PDE1A: variants seen among roughly 807,000 people sequenced by gnomAD.
PDE1A encodes the protein phosphodiesterase 1A, also known as dual specificity calcium/calmodulin-dependent 3',5'-cyclic nucleotide phosphodiesterase 1A.
Under a neutral mutation model 61.7 loss-of-function variants are expected in PDE1A, and 35 were observed. That is an observed-to-expected ratio of 0.57 (90% CI 0.43 to 0.75). The LOEUF is 0.75. PDE1A is among the 30% of genes least tolerant of loss of function. The pLI, the probability that PDE1A is intolerant of heterozygous loss-of-function variation, is 0.00. For synonymous variants in PDE1A, 232 were observed against 213.2 expected (o/e 1.09, Z -0.77); for missense variants, 597 against 630.6 (o/e 0.95, Z 0.57).
At chr2:182,471,640 T>C (rs1687034833) in intron 2 of PDE1A, among the ~76,000 whole-genome samples, 1 of 151,834 alleles carries the variant, frequency 6.6e-6, no homozygotes, top group Non-Finnish European at 1.5e-5. Context: ...ACCATTTCCT[T>C]CTTTTTTAAG....
At chr2:182,641,019 C>A in the PDE1A span, among the ~76,000 whole-genome samples, 159 of 61,306 alleles carry the variant, frequency 2.6e-3, 1 homozygote, top group South Asian at 5.0e-3. Context: ...GACTCCATCT[C>A]AAAAAAAAAA....
At chr2:182,330,807 C>T (rs1697356331) in intron 1 of PDE1A, among the ~76,000 whole-genome samples, 1 of 152,150 alleles carries the variant, frequency 6.6e-6, no homozygotes, top group South Asian at 2.1e-4. Flanking sequence ...TAGCATCACT[C>T]TCTTGGTTCT....
At chr2:182,224,045 C>T (rs553797987) in intron 6 of PDE1A, 81 bp from the exon 7 acceptor site, 22 of 838,546 alleles carry the variant, frequency 2.6e-5, no homozygotes, top group Non-Finnish European at 4.1e-5. Flanking sequence ...TTTCAGTGCA[C>T]CCTGTTTATG....
chr2:182,221,579 A>G (rs1345793999), intron 7 of PDE1A, among the ~76,000 whole-genome samples: 1 of 152,044 alleles, frequency 6.6e-6, no homozygotes, highest in Non-Finnish European at 1.5e-5. Flanking sequence ...AACTGTATCA[A>G]TCTCTGGGAC....
At chr2:182,212,024 G>A in intron 7 of PDE1A, among the ~76,000 whole-genome samples, 1 of 152,032 alleles carries the variant, frequency 6.6e-6, no homozygotes, top group Middle Eastern at 3.4e-3. Context: ...CATTAGTATT[G>A]CATACTTCCA....
chr2:182,572,800 C>T, the PDE1A span, among the ~76,000 whole-genome samples: 1 of 142,208 alleles, frequency 7.0e-6, no homozygotes, highest in Non-Finnish European at 1.5e-5. Flanking sequence ...ACCCGGGAGG[C>T]GGAGCTTGCA....
At chr2:182,370,500 T>A (rs1700071785) in intron 1 of PDE1A, among the ~76,000 whole-genome samples, 1 of 152,168 alleles carries the variant, frequency 6.6e-6, no homozygotes, top group Non-Finnish European at 1.5e-5. Flanking sequence ...GGGAACAATG[T>A]CAGGCAATTT....
the PDE1A span, among the ~76,000 whole-genome samples, chr2:182,563,921 C>T: frequency 1.3e-5 from 2 of 152,034 alleles, no homozygotes; most frequent in African/African-American, 4.8e-5. Flanking sequence ...ATCTTCCTCC[C>T]TCCTTTTATT....
At chr2:182,284,806 A>C (rs952861267) in intron 1 of PDE1A, among the ~76,000 whole-genome samples, 1 of 152,120 alleles carries the variant, frequency 6.6e-6, no homozygotes. Flanking sequence ...AACAATAATA[A>C]CTAACATTTA....
At chr2:182,153,355 G>T (rs1690895820) in intron 13 of PDE1A, among the ~76,000 whole-genome samples, 2 of 152,170 alleles carry the variant, frequency 1.3e-5, no homozygotes, top group Non-Finnish European at 2.9e-5. Flanking sequence ...GAGGTACGGT[G>T]GAGCCTGAGC....
chr2:182,527,515 G>A (rs1690797085), upstream of PDE1A, among the ~76,000 whole-genome samples: 1 of 149,856 alleles, frequency 6.7e-6, no homozygotes, highest in African/African-American at 2.5e-5. Flanking sequence ...CCTTGTTCAT[G>A]CCACTGCACT....
At chr2:182,626,860 CATATATATATACAT>C in the PDE1A span, among the ~76,000 whole-genome samples, 1 of 24,816 alleles carries the variant, frequency 4.0e-5, no homozygotes, top group Non-Finnish European at 7.2e-5. Flanking sequence ...TATATATATA[CATATATATATACAT>C]ATATATATAC....
At chr2:182,442,110 T>C (rs1445870636) in intron 2 of PDE1A, among the ~76,000 whole-genome samples, 1 of 152,048 alleles carries the variant, frequency 6.6e-6, no homozygotes, top group Non-Finnish European at 1.5e-5. Flanking sequence ...AAATTAAAAA[T>C]GGGAATATTA....
At chr2:182,658,061 A>AAC in the PDE1A span, among the ~76,000 whole-genome samples, 4 of 112,930 alleles carry the variant, frequency 3.5e-5, no homozygotes, top group East Asian at 2.4e-4. Flanking sequence ...AAAAAAAAAA[A>AAC]AAAAAAAAAA....
intron 1 of PDE1A, among the ~76,000 whole-genome samples, chr2:182,352,026 T>G (rs1189551392): frequency 6.6e-6 from 1 of 152,160 alleles, no homozygotes; most frequent in Non-Finnish European, 1.5e-5. Flanking sequence ...AAAGATGTTA[T>G]GAGATACAGA....
At chr2:182,627,069 TTTATATATAATATAAATGA>T in the PDE1A span, among the ~76,000 whole-genome samples, 7 of 8,534 alleles carry the variant, frequency 8.2e-4, no homozygotes, top group Admixed American at 3.4e-3. Context: ...TAATATATTA[TTTATATATAATATAAATGA>T]TATATTATGT....
chr2:182,632,764 C>T, the PDE1A span, among the ~76,000 whole-genome samples: 1 of 152,098 alleles, frequency 6.6e-6, no homozygotes, highest in African/African-American at 2.4e-5. Flanking sequence ...CTTATAAATA[C>T]ACAAGTTTAC....
chr2:182,506,938 T>C (rs1689450559), intron 2 of PDE1A, among the ~76,000 whole-genome samples: 2 of 152,346 alleles, frequency 1.3e-5, no homozygotes, highest in South Asian at 2.1e-4. Context: ...ATTACATTTG[T>C]TCACAGAAAT....
intron 1 of PDE1A, among the ~76,000 whole-genome samples, chr2:182,326,247 A>G (rs1697038940): frequency 6.6e-6 from 1 of 152,226 alleles, no homozygotes; most frequent in South Asian, 2.1e-4. Flanking sequence ...TGCAGGGACT[A>G]AAAGAGATAT....
Sources: allele counts gnomAD v4.1 joint callset (sites outside exome capture counted in the v4.1 genomes callset), GRCh38; gene constraint gnomAD v4.1.1; transcripts MANE v1.5; gene names NCBI Gene and HGNC (gene_info 2026-07-23, HGNC 2026-07-21).